Variants in TTLL5 observed in about 807,000 individuals in gnomAD.
The protein encoded by TTLL5 is tubulin tyrosine ligase like 5.
Under a neutral mutation model 168.4 loss-of-function variants are expected in TTLL5, and 132 were observed. The observed-to-expected ratio is 0.78, with a 90% CI of 0.68 to 0.91. TTLL5 has a LOEUF of 0.91. TTLL5 is among the 40% of genes least tolerant of loss of function. The pLI, the probability that TTLL5 is intolerant of heterozygous loss-of-function variation, is 0.00. For missense variants in TTLL5, 1,545 were observed against 1,581.5 expected, an observed-to-expected ratio of 0.98 and a Z score of 0.39; for synonymous variants, 546 against 558.6, an observed-to-expected ratio of 0.98 and a Z score of 0.32.
intron 26 of TTLL5, among the ~76,000 whole-genome samples, chr14:75,789,242 C>G (rs1892554552): frequency 6.6e-6 from 1 of 152,080 alleles, no homozygotes; most frequent in African/African-American, 2.4e-5. Flanking sequence ...TCAGAACCAA[C>G]ATAGTAAGAT....
intron 31 of TTLL5, among the ~76,000 whole-genome samples, chr14:75,925,942 T>C (rs549587886): frequency 2.0e-5 from 3 of 151,814 alleles, no homozygotes; most frequent in East Asian, 3.9e-4. Flanking sequence ...CGCAGGCACT[T>C]GGCAGGCTGA....
chr14:75,667,000 A>AT (rs1293990303), intron 2 of TTLL5, among the ~76,000 whole-genome samples: 2 of 151,784 alleles, frequency 1.3e-5, no homozygotes, highest in Admixed American at 6.6e-5. Context: ...ATCATTCTGA[A>AT]TTTTTTCCTT....
chr14:75,715,229 C>T (rs947699714), intron 9 of TTLL5, among the ~76,000 whole-genome samples: 1 of 148,592 alleles, frequency 6.7e-6, no homozygotes, highest in Non-Finnish European at 1.5e-5. Context: ...CCTCCTTGTG[C>T]TTCTGGCTGA....
intron 31 of TTLL5, among the ~76,000 whole-genome samples, chr14:75,925,186 C>T (rs1206375627): frequency 6.8e-6 from 1 of 146,770 alleles, no homozygotes; most frequent in African/African-American, 2.6e-5. Context: ...CTGGCGGGGG[C>T]TGACCCCCCC....
rs767068635 is a variant in TTLL5 at position 75,699,273 on chromosome 14, A to G, written c.585+3A>G. 2 of 1,613,446 alleles carry G rather than the reference A, an allele frequency of 1.2e-6. No homozygotes were observed. Among genetic ancestry groups the G allele is most frequent in the Non-Finnish European group, 1.7e-6 (2 of 1,179,514 alleles). On this transcript the variant is annotated splice_donor_region_variant and intron_variant, in intron 7 of 31. Coordinates refer to ENST00000298832, the MANE Select transcript of TTLL5 (RefSeq NM_015072.5). ...GGGGCGTCTACCTGATCAACAATGT[A>G]AGTATGCAGCAGATGGCAAACCTCT... is the stretch of plus-strand genomic sequence containing the variant.
chr14:75,939,922 A>G (rs1023707704), intron 31 of TTLL5, among the ~76,000 whole-genome samples: 7 of 152,162 alleles, frequency 4.6e-5, no homozygotes, highest in Admixed American at 6.5e-5. Flanking sequence ...CTAATGCCCC[A>G]CCAAAGATTT....
At chr14:75,727,773 C>T in intron 12 of TTLL5, 1 of 471,374 alleles carries the variant, frequency 2.1e-6, no homozygotes, top group Non-Finnish European at 4.3e-6. Context: ...AGAGTATATA[C>T]CATATGATTC....
chr14:75,664,401 T>C (rs909587618), intron 2 of TTLL5, among the ~76,000 whole-genome samples: 5 of 152,210 alleles, frequency 3.3e-5, no homozygotes, highest in African/African-American at 1.2e-4. Flanking sequence ...CTTTTGGATA[T>C]GTGTGTGCTA....
chr14:75,902,973 T>C (rs1566653282), intron 31 of TTLL5, among the ~76,000 whole-genome samples: 1 of 152,204 alleles, frequency 6.6e-6, no homozygotes, highest in Middle Eastern at 3.4e-3. Flanking sequence ...TGCTGCAAAG[T>C]GGGTATTATT....
intron 31 of TTLL5, among the ~76,000 whole-genome samples, chr14:75,924,920 C>A (rs1210048910): frequency 6.6e-6 from 1 of 150,428 alleles, no homozygotes; most frequent in Non-Finnish European, 1.5e-5. Context: ...GGGCTGACCC[C>A]CCCACCTCCC....
intron 31 of TTLL5, chr14:75,904,061 T>C (rs1175999970): frequency 7.5e-6 from 9 of 1,205,198 alleles, no homozygotes; most frequent in African/African-American, 1.6e-5. Context: ...CTTTTCTCTT[T>C]CCACTCCCTG....
chr14:75,933,587 T>C (rs1352627432), intron 31 of TTLL5, among the ~76,000 whole-genome samples: 1 of 152,234 alleles, frequency 6.6e-6, no homozygotes, highest in African/African-American at 2.4e-5. Flanking sequence ...AGCAGTGGTC[T>C]CATTGGAAGG....
In TTLL5 at chr14:75,925,595, C is replaced by T. The variant is rs547563307; in HGVS notation, c.3823+23371C>T. On this transcript the variant is annotated intron_variant, in intron 31 of 31. Transcript: ENST00000298832. ...GGCAGCCAGGCAGAGGGTCTCCTCA[C>T]GTCCCAGACGATGGGCGGCCAGGCA... Among the ~76,000 whole-genome samples the T allele has an allele frequency of 5.0e-3, 763 of 151,698 alleles. 20 individuals are homozygous for T. The highest frequency in any genetic ancestry group is 0.018 in the African/African-American group (740 of 41,140).
chr14:75,734,151 A>G (rs1398020025), intron 14 of TTLL5, 101 bp downstream of exon 14: 11 of 1,079,118 alleles, frequency 1.0e-5, no homozygotes, highest in African/African-American at 1.6e-5. Context: ...GTCCTAAGCC[A>G]TGCTGAATGG....
chr14:75,694,873 T>C (rs934257561), intron 6 of TTLL5, among the ~76,000 whole-genome samples: 1 of 152,222 alleles, frequency 6.6e-6, no homozygotes, highest in African/African-American at 2.4e-5. Flanking sequence ...TTTAATCTCT[T>C]AATCCCGTCA....
chr14:75,863,513 A>G (rs1252224561), intron 28 of TTLL5, among the ~76,000 whole-genome samples, 154 bp from the exon 29 acceptor site: 3 of 152,214 alleles, frequency 2.0e-5, no homozygotes, highest in African/African-American at 7.2e-5. Flanking sequence ...GCTACGGTTT[A>G]GTGGGGGAGT....
intron 18 of TTLL5, among the ~76,000 whole-genome samples, chr14:75,763,445 C>G (rs1216369157): frequency 6.6e-6 from 1 of 152,056 alleles, no homozygotes; most frequent in African/African-American, 2.4e-5. Flanking sequence ...TCCATCCACC[C>G]AGAAATCCCT....
intron 28 of TTLL5, among the ~76,000 whole-genome samples, chr14:75,836,732 ATATAT>A (rs1197454128): frequency 6.6e-6 from 1 of 152,192 alleles, no homozygotes; most frequent in East Asian, 1.9e-4. Context: ...ATGTAATCAA[ATATAT>A]TATACATACT....
intron 26 of TTLL5, among the ~76,000 whole-genome samples, chr14:75,787,777 T>C (rs901924540): frequency 2.0e-5 from 3 of 152,210 alleles, no homozygotes; most frequent in African/African-American, 2.4e-5. Flanking sequence ...TGCAGAGACT[T>C]GGTATCACAC....
Sources: allele counts gnomAD v4.1 joint callset (sites outside exome capture counted in the v4.1 genomes callset), GRCh38; gene constraint gnomAD v4.1.1; transcripts MANE v1.5; gene names NCBI Gene and HGNC (gene_info 2026-07-23, HGNC 2026-07-21).